ADPRHL1: variants seen among roughly 807,000 people sequenced by gnomAD.
ADPRHL1 encodes ADP-ribosylhydrolase like 1.
A neutral mutation model predicts 44.1 loss-of-function variants in ADPRHL1; 43 were observed. The observed-to-expected ratio is 0.98, with a 90% CI of 0.76 to 1.26. The LOEUF (loss-of-function observed/expected upper bound fraction) is 1.26. ADPRHL1 is among the 50% of genes most tolerant of loss of function. The pLI is 0.00. For synonymous variants in ADPRHL1, 878 were observed against 1,017.4 expected, an observed-to-expected ratio of 0.86 and a Z score of 2.61; for missense variants, 2,022 against 2,496.9, an observed-to-expected ratio of 0.81 and a Z score of 4.05.
intron 7 of ADPRHL1, among the ~76,000 whole-genome samples, chr13:113,418,956 G>A (rs2043899676): frequency 2.0e-5 from 1 of 49,194 alleles, no homozygotes; most frequent in Admixed American, 3.0e-4. Flanking sequence ...GGCCTAAGAG[G>A]TTGTATAATG....
At chr13:113,440,434 T>C (rs1274532120) in intron 2 of ADPRHL1, among the ~76,000 whole-genome samples, 1 of 152,136 alleles carries the variant, frequency 6.6e-6, no homozygotes, top group East Asian at 1.9e-4. Context: ...TTTTGATTAG[T>C]GTTAGTGTGG....
rs2043795206 is a variant in ADPRHL1, at chr13:113,404,886, C to A, written c.4396G>T (p.Ala1466Ser). ...CCTGGAGGCACAGCTGGGTTCCTGG[C>A]AGCCCTGGTGCCCTCTCCCCACGCC... ...STAWGEGTRA[A>S]RNPAVPPGEP... Residue 1466 changes from alanine to serine, a missense_variant, in exon 8 of 8, where the codon GCC becomes TCC. Around this residue, in one of 8 missense-constraint regions of ADPRHL1, gnomAD observed 1,221 missense variants for 1,517.8 expected, o/e 0.80. Coordinates refer to ENST00000612156, the MANE Select transcript of ADPRHL1 (RefSeq NM_001394807.1). The A allele has an allele frequency of 8.0e-7, 1 of 1,247,142 alleles. No individual in the cohort carries two copies. The highest frequency in any genetic ancestry group is 1.0e-6 in the Non-Finnish European group (1 of 998,108). 77.3% of individuals were successfully genotyped at this position (1,247,142 alleles called of 1,614,324 possible). A position where few individuals can be genotyped will look rare whatever the true frequency, so the allele number is the denominator to read the frequency against.
At chr13:113,445,936 A>G (rs4340208) in intron 1 of ADPRHL1, among the ~76,000 whole-genome samples, 47,242 of 143,034 alleles carry the variant, frequency 0.33, 9,015 homozygotes, top group African/African-American at 0.55. Context: ...GAGAGCACGC[A>G]CGTGTAGGGA....
chr13:113,439,343 G>A (rs1214160054), intron 2 of ADPRHL1, among the ~76,000 whole-genome samples: 2 of 152,198 alleles, frequency 1.3e-5, no homozygotes, highest in Middle Eastern at 3.4e-3. Flanking sequence ...GGCTGGTCTC[G>A]AACTCCTGAC....
chr13:113,423,130 G>T, intron 6 of ADPRHL1, 151 bp from the exon 7 acceptor site: 1 of 1,084,138 alleles, frequency 9.2e-7, no homozygotes, highest in Non-Finnish European at 1.3e-6. Flanking sequence ...GGTGGCTCAC[G>T]CCTGTCATCC....
At chr13:113,451,610 C>A (rs1465755970) in intron 1 of ADPRHL1, among the ~76,000 whole-genome samples, 1 of 152,108 alleles carries the variant, frequency 6.6e-6, no homozygotes, top group East Asian at 1.9e-4. Context: ...GAGTTCGAGA[C>A]CAGCCTGGAC....
At chr13:113,448,006 CT>C (rs2044154168) in intron 1 of ADPRHL1, among the ~76,000 whole-genome samples, 1 of 152,198 alleles carries the variant, frequency 6.6e-6, no homozygotes, top group South Asian at 2.1e-4. Flanking sequence ...GAAATTTAGC[CT>C]TTTCAAAGCA....
chr13:113,403,154 C>T lies in ADPRHL1; in HGVS notation c.*224G>A, dbSNP rs779391077. 2.6e-6 allele frequency: 1 copy of T among 378,086 alleles called. No individual in the cohort carries two copies. The highest frequency in any genetic ancestry group is 4.6e-6 in the Non-Finnish European group (1 of 216,394). 23.4% of individuals were successfully genotyped at this position (378,086 alleles called of 1,614,324 possible). On this transcript the variant is annotated 3_prime_UTR_variant, in exon 8 of 8. Coordinates refer to ENST00000612156, the MANE Select transcript of ADPRHL1 (RefSeq NM_001394807.1). ...GGCCTGGTGAGGCCACAGGCCCGCA[C>T]CTCCCACCCCCATGGCCTCGTGGCT... is the stretch of plus-strand genomic sequence containing the variant.
intron 7 of ADPRHL1, among the ~76,000 whole-genome samples, chr13:113,419,594 T>C (rs2043905545): frequency 6.6e-6 from 1 of 152,016 alleles, no homozygotes; most frequent in South Asian, 2.1e-4. Flanking sequence ...TCAGAAGAGC[T>C]GGGGAGCAAC....
chr13:113,425,843 G>C (rs111371684), intron 4 of ADPRHL1, among the ~76,000 whole-genome samples: 90 of 152,108 alleles, frequency 5.9e-4, no homozygotes, highest in African/African-American at 2.0e-3. Flanking sequence ...ACCACGCCCG[G>C]CTAATTTTTG....
intron 1 of ADPRHL1, among the ~76,000 whole-genome samples, chr13:113,448,002 T>C (rs1486481350): frequency 6.6e-6 from 1 of 152,238 alleles, no homozygotes; most frequent in Admixed American, 6.5e-5. Flanking sequence ...AACTGAAATT[T>C]AGCCTTTTCA....
At position 113,424,289 on chromosome 13, in the gene ADPRHL1, T is replaced by C. The variant is rs752942843; in HGVS notation, c.835A>G (p.Ile279Val). The change falls in exon 6 of 8, where the codon ATA becomes GTA. Residue 279 changes from isoleucine to valine, a missense_variant. Transcript: ENST00000612156. ...GGRRGHDAPM[I>V]AYDALLAAGN... Reference sequence around the variant, plus strand: ...GCTGCAAGGAGGGCGTCATAGGCTATCATGGGGGCATCGTGGCCTCGTCTT... The same window carrying C: ...GCTGCAAGGAGGGCGTCATAGGCTACCATGGGGGCATCGTGGCCTCGTCTT... 1.3e-5 allele frequency: 21 copies of C among 1,612,916 alleles called. No homozygotes were observed. The highest frequency in any genetic ancestry group is 6.7e-5 in the East Asian group (3 of 44,876).
intron 7 of ADPRHL1, among the ~76,000 whole-genome samples, chr13:113,413,777 C>G (rs2043872756): frequency 6.6e-6 from 1 of 152,252 alleles, no homozygotes; most frequent in Non-Finnish European, 1.5e-5. Flanking sequence ...GGGCCTCCCT[C>G]AGCGTCCCCT....
At chr13:113,408,355 G>A (rs1308494917) in intron 7 of ADPRHL1, 135 bp from the exon 8 acceptor site, 1 of 939,230 alleles carries the variant, frequency 1.1e-6, no homozygotes, top group Non-Finnish European at 1.4e-6. Flanking sequence ...GAGATTAGGA[G>A]CCAGGAGCTG....
rs9635114 is a variant in ADPRHL1 at position 113,429,001 on chromosome 13, C to A, written c.597G>T (p.Ala199=). ...TGCAGTACTCTTCTGCCAGAGGCAC[C>A]GCCCGCAGCATGTCTCTCCCCCACT... ...LVQWGRDMLR[A]VPLAEEYCRK... is the part of the protein sequence containing the mutation. Residue 199 remains alanine, a synonymous_variant, in exon 4 of 8, where the codon GCG becomes GCT. Coordinates refer to ENST00000612156, the MANE Select transcript of ADPRHL1 (RefSeq NM_001394807.1). The A allele has an allele frequency of 6.2e-7, 1 of 1,612,784 alleles. No individual in the cohort carries two copies. Among genetic ancestry groups the A allele is most frequent in the South Asian group, 1.1e-5 (1 of 91,082 alleles).
rs1477785870 is a variant in ADPRHL1 at position 113,400,489 on chromosome 13, T to C, written c.*2889A>G. The C allele has an allele frequency of 1.9e-4, 29 of 150,954 alleles. No homozygotes were observed. Among genetic ancestry groups the C allele is most frequent in the African/African-American group, 6.8e-4 (28 of 40,904 alleles). The allele number at this position is 150,954 out of a possible 1,614,324, so 9.4% of individuals were successfully genotyped here. A position where few individuals can be genotyped will look rare whatever the true frequency, so the allele number is the denominator to read the frequency against. ...TTTTTTTTTAAAAAAACAAAACAAC[T>C]TTGGGTTTTATTTAAAATGCCCGTG... is the stretch of plus-strand genomic sequence containing the variant. On this transcript the variant is annotated 3_prime_UTR_variant, in exon 8 of 8. Transcript: ENST00000612156.
chr13:113,407,888 C>A lies in ADPRHL1; in HGVS notation c.1394G>T (p.Gly465Val), dbSNP rs1444467130. Residue 465 changes from glycine (G) to valine (V), a missense_variant, in exon 8 of 8, where the codon GGC becomes GTC. Gly to Val is a moderately radical substitution (Grantham distance 109). This residue lies in a region of ADPRHL1 where 1,221 missense variants were observed against 1,517.8 expected (regional missense o/e 0.80). Transcript: ENST00000612156. ...CTTGTTGATGGTGGCACCCACGAGG[C>A]CCCCACCCGGCCCCTGCTTGTCCTT... ...ISKDKQGPGG[G>V]LVGATINKLL... 12 of 1,231,834 alleles carry A rather than the reference C, an allele frequency of 9.7e-6. No homozygotes were observed. The highest frequency in any genetic ancestry group is 1.6e-5 in the African/African-American group (1 of 64,440). 76.3% of individuals were successfully genotyped at this position (1,231,834 alleles called of 1,614,324 possible).
At chr13:113,444,903 G>C (rs578125166) in intron 1 of ADPRHL1, among the ~76,000 whole-genome samples, 4 of 152,262 alleles carry the variant, frequency 2.6e-5, no homozygotes, top group African/African-American at 4.8e-5. Flanking sequence ...GATTACAGGC[G>C]TGAGCCACTG....
intron 4 of ADPRHL1, 130 bp from the exon 5 acceptor site, chr13:113,425,309 T>C (rs1595545307): frequency 1.1e-6 from 1 of 899,374 alleles, no homozygotes; most frequent in Non-Finnish European, 1.7e-6. Context: ...TCTACCCAGC[T>C]GCAGGCATGT....
Sources: gnomAD v4.1 joint callset for allele counts (sites outside exome capture counted in the v4.1 genomes callset) on GRCh38, gnomAD v4.1.1 for gene constraint, gnomAD v4.1.1 regional missense constraint, MANE v1.5 for transcripts, NCBI Gene and HGNC (gene_info 2026-07-23, HGNC 2026-07-21) for gene names.